CDK5RAP2: variants seen among roughly 807,000 people sequenced by gnomAD.
CDK5RAP2 encodes the protein CDK5 regulatory subunit-associated protein 2.
Under a neutral mutation model 232.9 loss-of-function variants are expected in CDK5RAP2, and 147 were observed. The observed-to-expected ratio is 0.63, with a 90% confidence interval of 0.55 to 0.72. CDK5RAP2 has a LOEUF of 0.72. CDK5RAP2 is among the 30% of genes least tolerant of loss of function. The probability of loss-of-function intolerance (pLI) is 0.00; values close to 1 mark genes in which losing one functional copy is unlikely to be tolerated. For synonymous variants in CDK5RAP2, 833 were observed against 833.7 expected (o/e 1.00, Z 0.01); for missense variants, 2,195 against 2,231.5 (o/e 0.98, Z 0.33).
intron 36 of CDK5RAP2, among the ~76,000 whole-genome samples, chr9:120,391,362 G>A (rs534332573): frequency 2.8e-4 from 43 of 152,306 alleles, no homozygotes; most frequent in African/African-American, 1.0e-3. Context: ...GAGGAACACA[G>A]CGACAAAGGA....
rs553016176 is a variant in CDK5RAP2, at chr9:120,422,729, C to T, written c.3968G>A (p.Gly1323Glu). The change falls in exon 26 of 38, where the codon GGA (glycine) becomes GAA (glutamate). Residue 1323 changes from glycine (G) to glutamate (E), a missense_variant. Coordinates refer to ENST00000349780, the MANE Select transcript of CDK5RAP2 (RefSeq NM_018249.6). ...EKLFLNGKSV[G>E]VEMNTQNELM... Reference sequence around the variant, plus strand: ...TTCATTCTGGGTGTTCATTTCCACTCCAACTGATTTTCCTGGAAGCAGAAA... The same window carrying T: ...TTCATTCTGGGTGTTCATTTCCACTTCAACTGATTTTCCTGGAAGCAGAAA... The T allele has an allele frequency of 3.1e-6, 5 of 1,613,094 alleles. No homozygotes were observed. In the African/African-American group the frequency reaches 6.7e-5, roughly 22 times the overall value.
In CDK5RAP2 at chr9:120,528,518, C is replaced by T. The variant is rs59470187; in HGVS notation, c.879+226G>A. 4.4e-3 allele frequency among the ~76,000 whole-genome samples: 667 copies of T among 152,300 alleles called. 7 individuals carry two copies. The highest frequency in any genetic ancestry group is 0.015 in the African/African-American group (634 of 41,562). On this transcript the variant is annotated intron_variant, in intron 9 of 37. Transcript: ENST00000349780. ...TGCTCTTAGGCAAGTGACCTCACCTCTCTGGGCCTCAGGTACCACATCTGT... is the reference window on the plus strand; with the variant it reads ...TGCTCTTAGGCAAGTGACCTCACCTTTCTGGGCCTCAGGTACCACATCTGT...
rs139502692 is a variant in CDK5RAP2, at chr9:120,391,884, G to A, written c.5579-2097C>T. 2.3e-3 allele frequency among the ~76,000 whole-genome samples: 351 copies of A among 152,310 alleles called. 3 individuals are homozygous for A. The highest frequency in any genetic ancestry group is 8.0e-3 in the African/African-American group (331 of 41,568). ...GAATTTCCAAGGACCTGACTCCTTGGGATGAGCTGCAGAGCCTGGCAAAGG... is the reference window on the plus strand; with the variant it reads ...GAATTTCCAAGGACCTGACTCCTTGAGATGAGCTGCAGAGCCTGGCAAAGG... On this transcript the variant is annotated intron_variant, in intron 36 of 37. Coordinates refer to ENST00000349780, the MANE Select transcript of CDK5RAP2 (RefSeq NM_018249.6).
chr9:120,538,326 A>T (rs765186486), intron 6 of CDK5RAP2, among the ~76,000 whole-genome samples: 11 of 152,232 alleles, frequency 7.2e-5, no homozygotes, highest in Non-Finnish European at 1.5e-4. Context: ...TCAGGTAGAG[A>T]AACTGTGATA....
chr9:120,451,119 T>C (rs1002062915), intron 21 of CDK5RAP2, among the ~76,000 whole-genome samples: 7 of 152,202 alleles, frequency 4.6e-5, no homozygotes, highest in Non-Finnish European at 8.8e-5. Context: ...AAAGCCAATT[T>C]CAAGCTGGAA....
At position 120,458,563 on chromosome 9, in the gene CDK5RAP2, A is replaced by AC; in HGVS notation, c.2261_2262insG (p.Lys755Ter). On this transcript the variant is annotated frameshift_variant, in exon 20 of 38. Transcript: ENST00000349780. LOFTEE classifies it high-confidence loss of function. The stretch of plus-strand genomic sequence containing the variant: ...GGGCCCCATCACAATCTGAAATCTT[A>AC]GACTCCGTGTGCCTTAAGTATCCAT... The AC allele has an allele frequency of 1.2e-6, 2 of 1,614,190 alleles. No individual in the cohort carries two copies. Among genetic ancestry groups the AC allele is most frequent in the Non-Finnish European group, 1.7e-6 (2 of 1,180,006 alleles).
At chr9:120,543,632 G>A (rs912798189) in intron 5 of CDK5RAP2, among the ~76,000 whole-genome samples, 4 of 152,180 alleles carry the variant, frequency 2.6e-5, no homozygotes, top group Non-Finnish European at 4.4e-5. Flanking sequence ...GCTGAGGTGG[G>A]CGGATCACAT....
chr9:120,494,014 T>A (rs2039033409), intron 12 of CDK5RAP2, among the ~76,000 whole-genome samples: 1 of 148,396 alleles, frequency 6.7e-6, no homozygotes, highest in South Asian at 2.1e-4. Context: ...ATCACTTGAA[T>A]CCGAGAGGCA....
chr9:120,489,590 C>G (rs2038788579), intron 13 of CDK5RAP2, among the ~76,000 whole-genome samples: 1 of 152,118 alleles, frequency 6.6e-6, no homozygotes, highest in Non-Finnish European at 1.5e-5. Context: ...TATCTTCCAA[C>G]TTTTCTTACT....
chr9:120,394,699 G>A, intron 35 of CDK5RAP2, 61 bp from the exon 36 acceptor site: 1 of 1,289,760 alleles, frequency 7.8e-7, no homozygotes, highest in South Asian at 1.2e-5. Context: ...TACACAGGAA[G>A]AATTACAAAG....
In CDK5RAP2 at chr9:120,559,456, C is replaced by T. The variant is rs938858640; in HGVS notation, c.196-8554G>A. Among the ~76,000 whole-genome samples, 14 of 139,586 alleles carry T rather than the reference C, an allele frequency of 1.0e-4. No homozygotes were observed. In the Admixed American group the frequency reaches 1.1e-3, roughly 11 times the overall value. 91.6% of individuals were successfully genotyped at this position (139,586 alleles called of 152,430 possible). On this transcript the variant is annotated intron_variant, in intron 3 of 37. Coordinates refer to ENST00000349780, the MANE Select transcript of CDK5RAP2 (RefSeq NM_018249.6). ...GAGCCGAGATCAGGCCACTGCACTCCAGCCTGGGCAACACAGAGCAAGACT... is the reference window on the plus strand; with the variant it reads ...GAGCCGAGATCAGGCCACTGCACTCTAGCCTGGGCAACACAGAGCAAGACT...
At chr9:120,572,789 T>C (rs911365270) in intron 1 of CDK5RAP2, among the ~76,000 whole-genome samples, 2 of 152,220 alleles carry the variant, frequency 1.3e-5, no homozygotes, top group Non-Finnish European at 2.9e-5. Context: ...TTAAACAAGA[T>C]ATTGCAAGGT....
chr9:120,537,954 T>C (rs943501183), intron 6 of CDK5RAP2, among the ~76,000 whole-genome samples: 5 of 152,158 alleles, frequency 3.3e-5, no homozygotes, highest in Non-Finnish European at 7.4e-5. Flanking sequence ...AGCTAGTAAG[T>C]GACAGAGCAG....
chr9:120,499,721 C>A (rs1195373355), intron 12 of CDK5RAP2, among the ~76,000 whole-genome samples: 1 of 152,088 alleles, frequency 6.6e-6, no homozygotes, highest in Non-Finnish European at 1.5e-5. Context: ...ACAAATGATA[C>A]TAAAGCAACA....
chr9:120,561,196 A>T (rs991572169), intron 3 of CDK5RAP2, among the ~76,000 whole-genome samples: 16 of 152,178 alleles, frequency 1.1e-4, no homozygotes, highest in African/African-American at 3.9e-4. Flanking sequence ...AGAGGGGAGG[A>T]TACTTTGGAA....
At chr9:120,407,519 G>A in intron 31 of CDK5RAP2, 1 of 493,506 alleles carries the variant, frequency 2.0e-6, no homozygotes, top group South Asian at 2.2e-5. Flanking sequence ...CCGAAATTAT[G>A]TCTAGTAGTA....
At chr9:120,471,915 C>A in intron 15 of CDK5RAP2, 37 bp from the exon 16 acceptor site, 1 of 1,613,246 alleles carries the variant, frequency 6.2e-7, no homozygotes, top group East Asian at 2.2e-5. Flanking sequence ...TTAAAACAGA[C>A]CTATTTGTAC....
At chr9:120,465,410 G>T (rs2037322218) in intron 18 of CDK5RAP2, among the ~76,000 whole-genome samples, 1 of 152,086 alleles carries the variant, frequency 6.6e-6, no homozygotes, top group Non-Finnish European at 1.5e-5. Context: ...AGCAACAACA[G>T]GATACCTGTT....
At chr9:120,447,769 A>G (rs985003371) in intron 22 of CDK5RAP2, 126 bp downstream of exon 22, 49 of 789,040 alleles carry the variant, frequency 6.2e-5, no homozygotes, top group Non-Finnish European at 1.0e-4. Flanking sequence ...GTCAAGATTA[A>G]TCACTGCAAT....
Sources: allele counts gnomAD v4.1 joint callset (sites outside exome capture counted in the v4.1 genomes callset), GRCh38; gene constraint gnomAD v4.1.1; transcripts MANE v1.5; gene names NCBI Gene and HGNC (gene_info 2026-07-23, HGNC 2026-07-21).